Variants in SLCO3A1 observed in about 807,000 individuals in gnomAD.
SLCO3A1 encodes the protein PGE1 transporter.
A neutral mutation model predicts 63.1 loss-of-function variants in SLCO3A1; 27 were observed. The ratio of observed to expected loss-of-function variants is 0.43; its 90% CI spans 0.32 to 0.59. The LOEUF (loss-of-function observed/expected upper bound fraction) is 0.59, where lower values mean the gene tolerates loss of function less well. Among genes scored for constraint, SLCO3A1 ranks in the 20% least tolerant of loss-of-function variants. The pLI, the probability that SLCO3A1 is intolerant of heterozygous loss-of-function variation, is 0.09. For missense variants in SLCO3A1, 773 were observed against 945.8 expected (o/e 0.82, Z 2.40); for synonymous variants, 473 against 409.9 (o/e 1.15, Z -1.86).
At chr15:92,140,862 C>A (rs750606549) in intron 7 of SLCO3A1, among the ~76,000 whole-genome samples, 1 of 152,100 alleles carries the variant, frequency 6.6e-6, no homozygotes, top group South Asian at 2.1e-4. Context: ...TTATTTTGAG[C>A]CTATGTGCAA....
At chr15:91,876,597 T>C (rs998654537) in intron 1 of SLCO3A1, among the ~76,000 whole-genome samples, 4 of 152,254 alleles carry the variant, frequency 2.6e-5, no homozygotes, top group Non-Finnish European at 5.9e-5. Context: ...TACCTAGAGC[T>C]GGAGGCTGAC....
intron 2 of SLCO3A1, among the ~76,000 whole-genome samples, chr15:91,965,518 T>A (rs1021530329): frequency 6.6e-6 from 1 of 152,184 alleles, no homozygotes; most frequent in African/African-American, 2.4e-5. Context: ...AATCCAGGAT[T>A]GAGACTCCCA....
intron 7 of SLCO3A1, among the ~76,000 whole-genome samples, chr15:92,135,375 G>A (rs985933622): frequency 2.6e-5 from 4 of 152,138 alleles, no homozygotes; most frequent in African/African-American, 4.8e-5. Context: ...ACAGGTTACC[G>A]GGGTGCAAGG....
chr15:91,914,269 G>A (rs1004844962), intron 1 of SLCO3A1, among the ~76,000 whole-genome samples: 1 of 152,188 alleles, frequency 6.6e-6, no homozygotes, highest in Non-Finnish European at 1.5e-5. Flanking sequence ...TGCCATGTAG[G>A]AAGGGAGAGG....
intron 3 of SLCO3A1, among the ~76,000 whole-genome samples, chr15:92,096,425 G>T (rs1391952302): frequency 6.6e-6 from 1 of 152,252 alleles, no homozygotes; most frequent in African/African-American, 2.4e-5. Context: ...ATACCAGGCA[G>T]CAGGGACTTT....
chr15:92,049,074 G>T (rs551206053), intron 2 of SLCO3A1, among the ~76,000 whole-genome samples: 1 of 152,318 alleles, frequency 6.6e-6, no homozygotes, highest in African/African-American at 2.4e-5. Context: ...TTCCAGGCTG[G>T]TCTGACGTCA....
At chr15:91,933,600 C>G (rs1000602535) in intron 2 of SLCO3A1, among the ~76,000 whole-genome samples, 1 of 152,162 alleles carries the variant, frequency 6.6e-6, no homozygotes, top group Non-Finnish European at 1.5e-5. Flanking sequence ...GACATAGAAT[C>G]ATTGAATTTT....
chr15:91,890,023 C>A (rs1253168057), intron 1 of SLCO3A1, among the ~76,000 whole-genome samples: 1 of 152,164 alleles, frequency 6.6e-6, no homozygotes, highest in Non-Finnish European at 1.5e-5. Flanking sequence ...GTGTATTTTA[C>A]TCATTTATGA....
At chr15:92,127,452 CT>C (rs1200549525) in intron 6 of SLCO3A1, among the ~76,000 whole-genome samples, 2 of 152,222 alleles carry the variant, frequency 1.3e-5, no homozygotes, top group African/African-American at 4.8e-5. Flanking sequence ...CTGGCTGTGC[CT>C]CGGTTTCTTC....
At chr15:91,914,348 T>C (rs545961434) in intron 1 of SLCO3A1, among the ~76,000 whole-genome samples, 70 of 152,324 alleles carry the variant, frequency 4.6e-4, no homozygotes, top group African/African-American at 1.6e-3. Flanking sequence ...GATTAGATAT[T>C]ATGATTCCTG....
At chr15:92,150,663 G>GT (rs1199596065) in intron 8 of SLCO3A1, among the ~76,000 whole-genome samples, 1 of 151,820 alleles carries the variant, frequency 6.6e-6, no homozygotes, top group African/African-American at 2.4e-5. Flanking sequence ...TTAAACGCAG[G>GT]TTTTATGACC....
At chr15:91,998,042 G>A (rs1305664236) in intron 2 of SLCO3A1, among the ~76,000 whole-genome samples, 2 of 152,194 alleles carry the variant, frequency 1.3e-5, no homozygotes, top group Non-Finnish European at 2.9e-5. Flanking sequence ...ACTATCAATA[G>A]AGTAAACAGC....
At chr15:92,160,740 C>T (rs2048426035) in intron 9 of SLCO3A1, among the ~76,000 whole-genome samples, 2 of 152,094 alleles carry the variant, frequency 1.3e-5, no homozygotes, top group Admixed American at 6.6e-5. Context: ...CTCATTAGCA[C>T]TCATAGGGTA....
intron 2 of SLCO3A1, among the ~76,000 whole-genome samples, chr15:92,005,546 A>T (rs560617571): frequency 6.6e-6 from 1 of 152,190 alleles, no homozygotes; most frequent in Non-Finnish European, 1.5e-5. Context: ...TCCTACACAG[A>T]GGAAAACACA....
At chr15:92,141,818 A>G (rs951483451) in intron 7 of SLCO3A1, among the ~76,000 whole-genome samples, 1 of 152,210 alleles carries the variant, frequency 6.6e-6, no homozygotes, top group Non-Finnish European at 1.5e-5. Flanking sequence ...AACGTTGGAC[A>G]AATCTGGGCT....
At chr15:92,170,389 C>G (rs1377454304), downstream of SLCO3A1, among the ~76,000 whole-genome samples, 1 of 152,176 alleles carries the variant, frequency 6.6e-6, no homozygotes, top group Non-Finnish European at 1.5e-5. Context: ...AGGTACTGCT[C>G]CCAGCAGCCT....
downstream of SLCO3A1, chr15:92,165,976 GTCTC>G (rs545770638): frequency 2.4e-4 from 186 of 789,614 alleles, 2 homozygotes; most frequent in African/African-American, 3.1e-3. Flanking sequence ...TGGATGAAAA[GTCTC>G]TCTCTGCTGA....
At chr15:91,855,915 C>T (rs879425339) in intron 1 of SLCO3A1, among the ~76,000 whole-genome samples, 4 of 151,958 alleles carry the variant, frequency 2.6e-5, no homozygotes, top group Non-Finnish European at 5.9e-5. Context: ...GGCAAACACC[C>T]GCAGAACTTT....
At chr15:91,878,312 T>C (rs1897455818) in intron 1 of SLCO3A1, among the ~76,000 whole-genome samples, 1 of 151,762 alleles carries the variant, frequency 6.6e-6, no homozygotes, top group Non-Finnish European at 1.5e-5. Flanking sequence ...TCAGGTGACC[T>C]CAGGTGACCC....
Sources: gnomAD v4.1 joint callset for allele counts (sites outside exome capture counted in the v4.1 genomes callset) on GRCh38, gnomAD v4.1.1 for gene constraint, MANE v1.5 for transcripts, NCBI Gene and HGNC (gene_info 2026-07-23, HGNC 2026-07-21) for gene names.